Variants in KCNH7 observed in about 807,000 individuals in gnomAD.
KCNH7 encodes the protein potassium voltage-gated channel subfamily H member 7.
KCNH7 carries 49 observed loss-of-function variants against 120.8 expected under a neutral mutation model. That is an observed-to-expected ratio of 0.41 (90% confidence interval 0.32 to 0.51). KCNH7 has a LOEUF of 0.51. Ranked by LOEUF, KCNH7 falls within the 20% of genes least tolerant of loss-of-function variation. KCNH7 has a pLI of 0.38. For missense variants in KCNH7, 1,097 were observed against 1,446.6 expected (o/e 0.76, Z 3.92); for synonymous variants, 547 against 516.1 (o/e 1.06, Z -0.81).
intron 12 of KCNH7, among the ~76,000 whole-genome samples, 163 bp from the exon 13 acceptor site, chr2:162,385,102 A>G (rs1686536098): frequency 6.6e-6 from 1 of 152,062 alleles, no homozygotes; most frequent in Middle Eastern, 3.4e-3. Context: ...TTATTAGATT[A>G]TCTTAGTAAA....
chr2:162,728,735 G>A (rs935338185), intron 2 of KCNH7, among the ~76,000 whole-genome samples: 5 of 152,058 alleles, frequency 3.3e-5, no homozygotes, highest in Admixed American at 1.3e-4. Context: ...CCAAGATTGC[G>A]CCATTGTACT....
chr2:162,465,547 T>C (rs1689278851), intron 6 of KCNH7, among the ~76,000 whole-genome samples: 1 of 152,220 alleles, frequency 6.6e-6, no homozygotes. Flanking sequence ...GAGTATCTTT[T>C]GTGTTTAATT....
At chr2:162,489,737 C>T (rs879724961) in intron 6 of KCNH7, among the ~76,000 whole-genome samples, 4 of 152,020 alleles carry the variant, frequency 2.6e-5, no homozygotes, top group African/African-American at 4.8e-5. Flanking sequence ...TTTCAATTTG[C>T]GTATTTAAAT....
At chr2:162,591,383 TTTA>T (rs1458244790) in intron 2 of KCNH7, among the ~76,000 whole-genome samples, 1 of 152,100 alleles carries the variant, frequency 6.6e-6, no homozygotes, top group Non-Finnish European at 1.5e-5. Flanking sequence ...TCAATGATTA[TTTA>T]TTTTTATAAA....
intron 2 of KCNH7, among the ~76,000 whole-genome samples, chr2:162,578,928 G>GT (rs201303587): frequency 0.077 from 11,244 of 146,778 alleles, 704 homozygotes; most frequent in East Asian, 0.3. Context: ...AGATTTATGA[G>GT]TTTTTTTTTT....
chr2:162,561,872 T>C (rs1693081135), intron 2 of KCNH7, among the ~76,000 whole-genome samples: 1 of 152,182 alleles, frequency 6.6e-6, no homozygotes, highest in African/African-American at 2.4e-5. Context: ...CATGGAATAC[T>C]ATGCAGCCAT....
intron 2 of KCNH7, among the ~76,000 whole-genome samples, chr2:162,627,604 G>A (rs950171291): frequency 1.3e-5 from 2 of 152,086 alleles, no homozygotes; most frequent in Non-Finnish European, 2.9e-5. Context: ...ATGAGACTAT[G>A]ATTGATTTTC....
intron 9 of KCNH7, among the ~76,000 whole-genome samples, chr2:162,419,740 A>G (rs776000423): frequency 1.3e-5 from 2 of 152,200 alleles, no homozygotes; most frequent in Non-Finnish European, 2.9e-5. Flanking sequence ...CCAGAAAGAT[A>G]TATGGACCAT....
In KCNH7 at chr2:162,612,775, G is replaced by A. The variant is rs555482280; in HGVS notation, c.308-75695C>T. Among the ~76,000 whole-genome samples the A allele has an allele frequency of 2.0e-5, 3 of 151,612 alleles. No homozygotes were observed. In the South Asian group the frequency reaches 6.3e-4, roughly 32 times the overall value. ...TTAGAGAAAAATAGATTGAAACACA[G>A]AAAAGAACAATTTTTTTGAAGTAAA... On this transcript the variant is annotated intron_variant, in intron 2 of 15. Transcript: ENST00000332142.
chr2:162,512,518 T>C, intron 5 of KCNH7, 136 bp downstream of exon 5: 1 of 632,030 alleles, frequency 1.6e-6, no homozygotes, highest in South Asian at 2.6e-5. Flanking sequence ...AGCCATGATG[T>C]CTCCACCAGG....
chr2:162,445,417 C>T (rs754220599), intron 7 of KCNH7, among the ~76,000 whole-genome samples: 7 of 152,090 alleles, frequency 4.6e-5, no homozygotes, highest in Non-Finnish European at 8.8e-5. Flanking sequence ...AACTTAACTT[C>T]TTTTGGATCA....
chr2:162,389,195 G>T (rs1686669035), intron 12 of KCNH7, among the ~76,000 whole-genome samples: 1 of 151,760 alleles, frequency 6.6e-6, no homozygotes, highest in Non-Finnish European at 1.5e-5. Flanking sequence ...CTTTAAAATG[G>T]AGCATATTGT....
intron 2 of KCNH7, among the ~76,000 whole-genome samples, chr2:162,802,522 C>T (rs1057425115): frequency 6.6e-6 from 1 of 151,636 alleles, no homozygotes; most frequent in African/African-American, 2.4e-5. Flanking sequence ...GAATTGAGTA[C>T]ATTTACTCCA....
At chr2:162,727,568 A>G (rs916235009) in intron 2 of KCNH7, among the ~76,000 whole-genome samples, 4 of 152,162 alleles carry the variant, frequency 2.6e-5, no homozygotes, top group Non-Finnish European at 5.9e-5. Context: ...TTCCATATAC[A>G]TAGAATACTA....
At chr2:162,789,281 C>A (rs1312938367) in intron 2 of KCNH7, among the ~76,000 whole-genome samples, 1 of 151,632 alleles carries the variant, frequency 6.6e-6, no homozygotes, top group East Asian at 1.9e-4. Flanking sequence ...AGTTAAAAGA[C>A]AAGACTATTA....
At chr2:162,564,382 G>GA (rs1303283849) in intron 2 of KCNH7, among the ~76,000 whole-genome samples, 1 of 152,142 alleles carries the variant, frequency 6.6e-6, no homozygotes, top group Non-Finnish European at 1.5e-5. Context: ...CGTAGACCTT[G>GA]AAAGGGAATG....
At chr2:162,811,415 A>G (rs966784930) in intron 2 of KCNH7, among the ~76,000 whole-genome samples, 2 of 152,138 alleles carry the variant, frequency 1.3e-5, no homozygotes, top group African/African-American at 4.8e-5. Flanking sequence ...CGTGTTTGCC[A>G]AAGGTTTCCA....
intron 2 of KCNH7, among the ~76,000 whole-genome samples, chr2:162,661,006 T>C (rs1684939957): frequency 6.6e-6 from 1 of 152,206 alleles, no homozygotes; most frequent in Admixed American, 6.5e-5. Context: ...AAGGAATCTA[T>C]CTTACAGTAA....
chr2:162,665,206 T>A (rs1436855074), intron 2 of KCNH7, among the ~76,000 whole-genome samples: 1 of 152,132 alleles, frequency 6.6e-6, no homozygotes, highest in African/African-American at 2.4e-5. Context: ...TTTAAAATAA[T>A]CTTGAAAAAA....
Sources: gnomAD v4.1 joint callset for allele counts (sites outside exome capture counted in the v4.1 genomes callset) on GRCh38, gnomAD v4.1.1 for gene constraint, MANE v1.5 for transcripts, NCBI Gene and HGNC (gene_info 2026-07-23, HGNC 2026-07-21) for gene names.